The following PSME4 variants were observed in gnomAD, a reference collection of about 807,000 sequenced individuals.
The protein encoded by PSME4 is proteasome activator subunit 4.
PSME4 carries 89 observed loss-of-function variants against 253.9 expected under a neutral mutation model. The ratio of observed to expected loss-of-function variants is 0.35; its 90% CI spans 0.30 to 0.42. The LOEUF is 0.42. Among genes scored for constraint, PSME4 ranks in the 10% least tolerant of loss-of-function variants. The probability of loss-of-function intolerance (pLI) is 1.00; values close to 1 mark genes in which losing one functional copy is unlikely to be tolerated. For synonymous variants in PSME4, 851 were observed against 759.2 expected (o/e 1.12, Z -1.99); for missense variants, 2,014 against 2,195.2 (o/e 0.92, Z 1.65).
At chr2:53,901,678 G>A in intron 27 of PSME4, 119 bp from the exon 28 acceptor site, 2 of 701,550 alleles carry the variant, frequency 2.9e-6, no homozygotes, top group Admixed American at 3.0e-5. Context: ...GCTTAATATT[G>A]GTTAGTAAAA....
chr2:53,892,533 T>C (rs969600520), intron 36 of PSME4, among the ~76,000 whole-genome samples: 5 of 152,188 alleles, frequency 3.3e-5, no homozygotes, highest in Admixed American at 1.3e-4. Flanking sequence ...TTCCAGGATC[T>C]TCCTCTTTTT....
In PSME4 at chr2:53,892,829, A is replaced by G. The variant is rs1487894637; in HGVS notation, c.4170T>C (p.Ser1390=). Residue 1390 remains serine, a synonymous_variant, in exon 36 of 47, where the codon TCT becomes TCC. Coordinates refer to ENST00000404125, the MANE Select transcript of PSME4 (RefSeq NM_014614.3). The part of the protein sequence containing the change: ...AEIIAGLIRG[S]KHWTFEKVEK... ...TCACCTTTTCAAATGTCCAGTGCTT[A>G]GAACCTCTGATTAAACCAGCTATAA... is the stretch of plus-strand genomic sequence containing the variant. 2 of 1,613,572 alleles carry G rather than the reference A, an allele frequency of 1.2e-6. No individual in the cohort carries two copies. The highest frequency in any genetic ancestry group is 1.1e-5 in the South Asian group (1 of 90,972).
Position 53,934,662 on chromosome 2 carries a change from T to C in PSME4, c.900A>G (p.Arg300=). 7 of 1,611,402 alleles carry C rather than the reference T, an allele frequency of 4.3e-6. No individual in the cohort carries two copies. The highest frequency in any genetic ancestry group is 5.9e-6 in the Non-Finnish European group (7 of 1,177,712). Reference sequence around the variant, plus strand: ...CTATATCATAAGCATTTGTTAAAAATCTTGGGACTAACACTTGACTGCTTC... The same window carrying C: ...CTATATCATAAGCATTTGTTAAAAACCTTGGGACTAACACTTGACTGCTTC... ...PVGSSQVLVP[R]FLTNAYDIGH... Residue 300 remains arginine (R), a synonymous_variant, in exon 8 of 47, where the codon AGA becomes AGG. Transcript: ENST00000404125.
chr2:53,951,761 T>C (rs553514368), intron 1 of PSME4, among the ~76,000 whole-genome samples: 40 of 152,300 alleles, frequency 2.6e-4, no homozygotes, highest in African/African-American at 9.6e-4. Flanking sequence ...AAGAACATAA[T>C]GCAGATATTA....
Position 53,895,721 on chromosome 2 carries a change from G to C in PSME4, c.3704C>G (p.Pro1235Arg). ...CCTATCACCAGCAATAATTTGGGTG[G>C]GTTTAGGGCATCCACCTAAGGAAAA... ...NPCEISGCPK[P>R]TQIIAGDRPD... is the part of the protein sequence containing the mutation. The change falls in exon 33 of 47, where the codon CCC becomes CGC. Residue 1235 changes from proline to arginine, a missense_variant. By Grantham distance (103) the Pro-to-Arg change is moderately radical. Transcript: ENST00000404125. 1 of 1,601,626 alleles carries C rather than the reference G, an allele frequency of 6.2e-7. No homozygotes were observed. Among genetic ancestry groups the C allele is most frequent in the Non-Finnish European group, 8.5e-7 (1 of 1,176,300 alleles).
At chr2:53,924,000 G>A (rs1214738714) in intron 14 of PSME4, among the ~76,000 whole-genome samples, 3 of 151,096 alleles carry the variant, frequency 2.0e-5, no homozygotes, top group Non-Finnish European at 4.4e-5. Context: ...ATTATACCTG[G>A]TGGAAGCAAA....
chr2:53,878,645 T>C (rs1388240960), intron 41 of PSME4, among the ~76,000 whole-genome samples: 5 of 152,254 alleles, frequency 3.3e-5, no homozygotes, highest in Non-Finnish European at 4.4e-5. Context: ...TGGGGACGGC[T>C]GTCTTTTACA....
intron 8 of PSME4, among the ~76,000 whole-genome samples, chr2:53,933,609 T>G (rs1668962158): frequency 1.3e-5 from 2 of 152,324 alleles, no homozygotes; most frequent in Admixed American, 6.5e-5. Context: ...CTCAAACTCC[T>G]GGGCTCAAGC....
chr2:53,933,844 C>T (rs1668975309), intron 8 of PSME4, among the ~76,000 whole-genome samples: 1 of 152,182 alleles, frequency 6.6e-6, no homozygotes, highest in African/African-American at 2.4e-5. Flanking sequence ...AAACATCTTT[C>T]AGTGTTTGCT....
Position 53,888,006 on chromosome 2 carries a change from G to A in PSME4, c.4389-17C>T, listed in dbSNP as rs182862605. 147 of 1,602,896 alleles carry A rather than the reference G, an allele frequency of 9.2e-5. 1 individual carries two copies. The highest frequency in any genetic ancestry group is 4.2e-4 in the African/African-American group (31 of 74,356). ...TAAAGTCGACTAAAATTAAAGCATC[G>A]TAGTGTTATATTGGAGGCCCTTTCT... On this transcript the variant is annotated splice_polypyrimidine_tract_variant and intron_variant, in intron 38 of 46. Coordinates refer to ENST00000404125, the MANE Select transcript of PSME4 (RefSeq NM_014614.3).
At chr2:53,937,596 A>C (rs1326698458) in intron 4 of PSME4, 56 bp from the exon 5 acceptor site, 6 of 1,524,658 alleles carry the variant, frequency 3.9e-6, no homozygotes, top group Non-Finnish European at 2.7e-6. Context: ...GCTCTACAAC[A>C]GCAATATATA....
chr2:53,890,876 G>C (rs544524114), intron 36 of PSME4, among the ~76,000 whole-genome samples: 38 of 152,146 alleles, frequency 2.5e-4, no homozygotes, highest in African/African-American at 8.7e-4. Context: ...AAAAAATAAA[G>C]ATTAGCTGAG....
chr2:53,969,390 C>A (rs1670917241), intron 1 of PSME4, among the ~76,000 whole-genome samples: 1 of 152,086 alleles, frequency 6.6e-6, no homozygotes, highest in African/African-American at 2.4e-5. Flanking sequence ...TTGTCAGAGG[C>A]CCCTTAATAA....
In PSME4 at chr2:53,928,279, T is replaced by A; in HGVS notation, c.1341A>T (p.Leu447Phe). ...TAGCTGTGAGCTGGTGAGGTTCTGT[T>A]AATGTCTCTAATGCAGGATATGTTC... ...LERTYPALETLTEPHQLTATL... is the reference protein window; with the variant it reads ...LERTYPALETFTEPHQLTATL... The change falls in exon 11 of 47, where the codon TTA becomes TTT. Residue 447 changes from leucine (L) to phenylalanine (F), a missense_variant. By Grantham distance (22) the Leu-to-Phe change is conservative. Transcript: ENST00000404125. The A allele has an allele frequency of 6.2e-7, 1 of 1,614,052 alleles. No homozygotes were observed. Among genetic ancestry groups the A allele is most frequent in the Non-Finnish European group, 8.5e-7 (1 of 1,179,912 alleles).
At chr2:53,891,495 C>T (rs1314821667) in intron 36 of PSME4, among the ~76,000 whole-genome samples, 2 of 151,990 alleles carry the variant, frequency 1.3e-5, no homozygotes, top group Admixed American at 1.3e-4. Context: ...TCACATGTAC[C>T]CCATAAACAT....
At chr2:53,869,261 A>G (rs1027905698) in intron 44 of PSME4, 115 bp downstream of exon 44, 5 of 1,076,696 alleles carry the variant, frequency 4.6e-6, no homozygotes, top group African/African-American at 1.6e-5. Context: ...ACTTTTCCCA[A>G]TACCTAGCAT....
intron 20 of PSME4, among the ~76,000 whole-genome samples, chr2:53,913,100 A>G (rs559186135): frequency 1.3e-5 from 2 of 152,340 alleles, no homozygotes; most frequent in African/African-American, 4.8e-5. Context: ...ATTTAACCTA[A>G]GGAACAATAC....
At chr2:53,951,031 A>G (rs1250741359) in intron 1 of PSME4, among the ~76,000 whole-genome samples, 1 of 152,134 alleles carries the variant, frequency 6.6e-6, no homozygotes, top group Non-Finnish European at 1.5e-5. Context: ...TATTCCTCGT[A>G]AGATCTTTAA....
intron 3 of PSME4, 142 bp from the exon 4 acceptor site, chr2:53,940,142 A>G (rs758708244): frequency 3.2e-5 from 19 of 593,900 alleles, no homozygotes; most frequent in Admixed American, 6.4e-5. Context: ...CCTTTCATAC[A>G]AACGGAACTG....
Sources: gnomAD v4.1 joint callset for allele counts (sites outside exome capture counted in the v4.1 genomes callset) on GRCh38, gnomAD v4.1.1 for gene constraint, MANE v1.5 for transcripts, NCBI Gene and HGNC (gene_info 2026-07-23, HGNC 2026-07-21) for gene names.